Variants in ARL14EP observed in about 807,000 individuals in gnomAD.
The protein encoded by ARL14EP is ARF like GTPase 14 effector protein, also known as ARL14 effector protein.
A neutral mutation model predicts 23.1 loss-of-function variants in ARL14EP; 12 were observed. The observed-to-expected ratio is 0.52, with a 90% confidence interval of 0.33 to 0.84. The LOEUF is 0.84. Among genes scored for constraint, ARL14EP ranks in the 40% least tolerant of loss-of-function variants. ARL14EP has a pLI of 0.02. For missense variants in ARL14EP, 253 were observed against 307.3 expected, an observed-to-expected ratio of 0.82 and a Z score of 1.32; for synonymous variants, 97 against 102.0, an observed-to-expected ratio of 0.95 and a Z score of 0.29.
rs1947347544 is a variant in ARL14EP at position 30,337,987 on chromosome 11, A to G, written c.*1192A>G. On this transcript the variant is annotated 3_prime_UTR_variant, in exon 4 of 4. Coordinates refer to ENST00000282032, the MANE Select transcript of ARL14EP (RefSeq NM_152316.3). Reference sequence around the variant, plus strand: ...TTGAGCAGAACCTTAAAGGTCATGGAACAATCATCATTTTCCCTATTGATT... The same window carrying G: ...TTGAGCAGAACCTTAAAGGTCATGGGACAATCATCATTTTCCCTATTGATT... 1 of 152,196 alleles carries G rather than the reference A, an allele frequency of 6.6e-6. No homozygotes were observed. Among genetic ancestry groups the G allele is most frequent in the Non-Finnish European group, 1.5e-5 (1 of 68,050 alleles). 9.4% of individuals were successfully genotyped at this position (152,196 alleles called of 1,614,324 possible). A position where few individuals can be genotyped will look rare whatever the true frequency, so the allele number is the denominator to read the frequency against.
chr11:30,324,436 CG>C (rs1947221079), intron 1 of ARL14EP, among the ~76,000 whole-genome samples: 1 of 152,030 alleles, frequency 6.6e-6, no homozygotes, highest in Admixed American at 6.6e-5. Context: ...CATATTGGAA[CG>C]GGTATTTCTG....
intron 3 of ARL14EP, among the ~76,000 whole-genome samples, chr11:30,336,172 A>G (rs550152109): frequency 6.6e-6 from 1 of 152,210 alleles, no homozygotes; most frequent in Non-Finnish European, 1.5e-5. Context: ...AGAAACATTA[A>G]TTGTAGTATA....
chr11:30,327,232 CTA>C (rs1413733237), intron 1 of ARL14EP, among the ~76,000 whole-genome samples: 1 of 152,140 alleles, frequency 6.6e-6, no homozygotes, highest in Admixed American at 6.5e-5. Context: ...GTTACAGAGT[CTA>C]TTCCATTAGT....
At position 30,336,818 on chromosome 11, in the gene ARL14EP, C is replaced by A. The variant is rs752181320; in HGVS notation, c.*23C>A. On this transcript the variant is annotated 3_prime_UTR_variant, in exon 4 of 4. Coordinates refer to ENST00000282032, the MANE Select transcript of ARL14EP (RefSeq NM_152316.3). The stretch of plus-strand genomic sequence containing the variant: ...TAATCTGCGGTACCAAACTATGGAG[C>A]CTTTAAAGGTCTTTATTTCTAAAAA... 18 of 1,572,440 alleles carry A rather than the reference C, an allele frequency of 1.1e-5. No individual in the cohort carries two copies. The highest frequency in any genetic ancestry group is 5.0e-5 in the Admixed American group (3 of 59,828).
chr11:30,331,050 G>C lies in ARL14EP; in HGVS notation c.102G>C (p.Leu34Phe). The C allele has an allele frequency of 3.1e-6, 5 of 1,613,852 alleles. No homozygotes were observed. The highest frequency in any genetic ancestry group is 4.2e-6 in the Non-Finnish European group (5 of 1,179,812). The stretch of plus-strand genomic sequence containing the variant: ...CAGGTTTTAAGACTTTGCAAGAATT[G>C]TCATCAAATGATATGCTTTTACTTC... ...RHTGFKTLQE[L>F]SSNDMLLLQL... Residue 34 changes from leucine to phenylalanine, a missense_variant, in exon 2 of 4, where the codon TTG (leucine) becomes TTC (phenylalanine). Physicochemically the swap from Leu to Phe is conservative, Grantham distance 22. Coordinates refer to ENST00000282032, the MANE Select transcript of ARL14EP (RefSeq NM_152316.3).
chr11:30,323,508 T>C (rs1280428988), intron 1 of ARL14EP, among the ~76,000 whole-genome samples: 2 of 152,198 alleles, frequency 1.3e-5, no homozygotes, highest in Non-Finnish European at 2.9e-5. Context: ...CGTGAACTAC[T>C]TAGGGTTATT....
intron 2 of ARL14EP, 69 bp from the exon 3 acceptor site, chr11:30,332,797 A>G (rs961716639): frequency 6.4e-7 from 1 of 1,574,654 alleles, no homozygotes; most frequent in Non-Finnish European, 8.7e-7. Context: ...CTGGTTTAAC[A>G]TTAAATAAAA....
At chr11:30,326,411 T>C (rs1220169584) in intron 1 of ARL14EP, among the ~76,000 whole-genome samples, 2 of 152,202 alleles carry the variant, frequency 1.3e-5, no homozygotes, top group Admixed American at 1.3e-4. Flanking sequence ...AAATCATCGT[T>C]ATGGAAGAAC....
At chr11:30,334,905 C>T (rs1172325579) in intron 3 of ARL14EP, among the ~76,000 whole-genome samples, 1 of 152,202 alleles carries the variant, frequency 6.6e-6, no homozygotes, top group Non-Finnish European at 1.5e-5. Context: ...TGTTTCATGC[C>T]TCCTAACACA....
chr11:30,331,244 CTT>C lies in ARL14EP; in HGVS notation c.299_300del (p.Phe100SerfsTer4). 6.2e-7 allele frequency: 1 copy of C among 1,613,996 alleles called. No individual in the cohort carries two copies. Among genetic ancestry groups the C allele is most frequent in the Non-Finnish European group, 8.5e-7 (1 of 1,179,904 alleles). Reference sequence around the variant, plus strand: ...CATGTAATTGACTTAGATGATGCCACTTTTCTGAGTGCTAAATTTGGAAGACA... The same window carrying C: ...CATGTAATTGACTTAGATGATGCCACTTCTGAGTGCTAAATTTGGAAGACA... On this transcript the variant is annotated frameshift_variant, in exon 2 of 4. Coordinates refer to ENST00000282032, the MANE Select transcript of ARL14EP (RefSeq NM_152316.3). LOFTEE classifies it high-confidence loss of function.
intron 1 of ARL14EP, among the ~76,000 whole-genome samples, chr11:30,324,323 A>T (rs913260700): frequency 1.3e-5 from 2 of 152,174 alleles, no homozygotes; most frequent in Non-Finnish European, 2.9e-5. Context: ...TTGACCTAAA[A>T]ACGAAGTAAA....
chr11:30,330,756 T>C (rs952781125), intron 1 of ARL14EP, 130 bp from the exon 2 acceptor site: 2 of 592,814 alleles, frequency 3.4e-6, no homozygotes, highest in Non-Finnish European at 5.9e-6. Flanking sequence ...ATGTCTATTA[T>C]AAGACTTCGA....
At position 30,330,988 on chromosome 11, in the gene ARL14EP, A is replaced by G. The variant is rs1947277817; in HGVS notation, c.40A>G (p.Thr14Ala). The G allele has an allele frequency of 1.2e-6, 2 of 1,613,724 alleles. No homozygotes were observed. Among genetic ancestry groups the G allele is most frequent in the Non-Finnish European group, 1.7e-6 (2 of 1,179,788 alleles). Residue 14 changes from threonine (T) to alanine (A), a missense_variant, in exon 2 of 4, where the codon ACA (threonine) becomes GCA (alanine). Physicochemically the swap from Thr to Ala is moderately conservative, Grantham distance 58. Transcript: ENST00000282032. ...TTCAGTTGGAGTCCAGCTTCGTACT[A>G]CAAATGAGTGCCATAAAACCTACTA... ...PCSVGVQLRT[T>A]NECHKTYYTR...
chr11:30,327,647 T>C (rs1300510218), intron 1 of ARL14EP, among the ~76,000 whole-genome samples: 1 of 152,028 alleles, frequency 6.6e-6, no homozygotes, highest in Non-Finnish European at 1.5e-5. Flanking sequence ...GGGATAGTTG[T>C]CCTAGTTTCC....
chr11:30,328,275 G>A (rs1947256905), intron 1 of ARL14EP: 1 of 151,682 alleles, frequency 6.6e-6, no homozygotes, highest in Non-Finnish European at 1.5e-5. Context: ...CTCCCATATA[G>A]CTGCACTACC....
intron 2 of ARL14EP, chr11:30,331,857 C>T (rs189359035): frequency 5.2e-6 from 5 of 958,798 alleles, no homozygotes; most frequent in East Asian, 1.2e-4. Flanking sequence ...GACACTGTCT[C>T]GTTCTTGAGT....
chr11:30,327,289 GC>G (rs1303822799), intron 1 of ARL14EP, among the ~76,000 whole-genome samples: 1 of 151,876 alleles, frequency 6.6e-6, no homozygotes, highest in Non-Finnish European at 1.5e-5. Flanking sequence ...TAGTAATTTA[GC>G]CATGAATAAA....
At chr11:30,324,649 A>G (rs1344024352) in intron 1 of ARL14EP, among the ~76,000 whole-genome samples, 1 of 152,076 alleles carries the variant, frequency 6.6e-6, no homozygotes, top group Non-Finnish European at 1.5e-5. Context: ...AGCTTCCTCA[A>G]CCTAATCTAC....
chr11:30,333,317 GCTTCA>G (rs1460835701), intron 3 of ARL14EP, among the ~76,000 whole-genome samples: 2 of 151,884 alleles, frequency 1.3e-5, no homozygotes, highest in African/African-American at 4.8e-5. Context: ...TTTTATTGGT[GCTTCA>G]CTTTATTCTT....
Sources: gnomAD v4.1 joint callset for allele counts (sites outside exome capture counted in the v4.1 genomes callset) on GRCh38, gnomAD v4.1.1 for gene constraint, MANE v1.5 for transcripts, NCBI Gene and HGNC (gene_info 2026-07-23, HGNC 2026-07-21) for gene names.